CD36: variants seen among roughly 807,000 people sequenced by gnomAD.
CD36 encodes the protein CD36 molecule (CD36 blood group).
Under a neutral mutation model 55.2 loss-of-function variants are expected in CD36, and 119 were observed. The ratio of observed to expected loss-of-function variants is 2.15; its 90% CI spans 1.86 to 2.51. CD36 has a LOEUF of 2.51. CD36 is among the 30% of genes most tolerant of loss of function. CD36 has a pLI of 0.00. For missense variants in CD36, 819 were observed against 555.5 expected (o/e 1.47, Z -4.77); for synonymous variants, 186 against 193.6 (o/e 0.96, Z 0.33).
At chr7:80,631,794 T>C (rs951660244) in intron 1 of CD36, among the ~76,000 whole-genome samples, 6 of 151,142 alleles carry the variant, frequency 4.0e-5, no homozygotes, top group Non-Finnish European at 8.9e-5. Flanking sequence ...GAAAAACATT[T>C]CTGGAAGTTT....
rs11301209 is a variant in CD36 at position 80,623,005 on chromosome 7, C to CT, written c.-184+20641dup. On this transcript the variant is annotated intron_variant, in intron 1 of 13. Transcript: ENST00000309881. ...ACTTTAGACAACAGTCCTTGGTAGA[C>CT]TTTTTTTTTTTTTTTACTCTATTAT... 8.2e-5 allele frequency among the ~76,000 whole-genome samples: 12 copies of CT among 145,534 alleles called. No homozygotes were observed. The East Asian group carries it at 1.6e-3, about 19-fold the overall frequency.
intron 5 of CD36, 79 bp from the exon 6 acceptor site, chr7:80,662,911 C>A: frequency 8.5e-7 from 1 of 1,173,838 alleles, no homozygotes; most frequent in Non-Finnish European, 1.3e-6. Context: ...GTATTAAGCT[C>A]AATATTAGCA....
At chr7:80,632,730 A>G (rs1163684343) in intron 1 of CD36, among the ~76,000 whole-genome samples, 1 of 152,028 alleles carries the variant, frequency 6.6e-6, no homozygotes, top group Non-Finnish European at 1.5e-5. Flanking sequence ...ACACATCATT[A>G]TGGCCAAGCC....
chr7:80,606,451 A>AATAT (rs1792555128), intron 1 of CD36, among the ~76,000 whole-genome samples: 1 of 152,206 alleles, frequency 6.6e-6, no homozygotes, highest in Admixed American at 6.5e-5. Context: ...CAAGACGCTA[A>AATAT]ATATATAAAC....
chr7:80,617,648 A>G (rs1467104381), intron 1 of CD36, among the ~76,000 whole-genome samples: 1 of 151,452 alleles, frequency 6.6e-6, no homozygotes, highest in African/African-American at 2.4e-5. Flanking sequence ...AATTGCTTAA[A>G]CCCATAAGGC....
intron 1 of CD36, among the ~76,000 whole-genome samples, chr7:80,605,248 T>G (rs57579056): frequency 0.02 from 3,087 of 152,266 alleles, 110 homozygotes; most frequent in African/African-American, 0.07. Context: ...CAAAAATATT[T>G]AATGAACACC....
chr7:80,659,987 G>T (rs1796398092), intron 4 of CD36, among the ~76,000 whole-genome samples: 1 of 152,044 alleles, frequency 6.6e-6, no homozygotes, highest in Admixed American at 6.6e-5. Flanking sequence ...CAGGCATGAT[G>T]CTTAGAGATA....
In CD36 at chr7:80,674,125, G is replaced by A. The variant is rs1798025382; in HGVS notation, c.1397G>A (p.Cys466Tyr). ...FVAFMISYCA[C>Y]RSKTIK is the part of the protein sequence containing the mutation. ...GCTTTTATGATTTCATATTGTGCAT[G>A]CAGATCGAAAACAATAAAATAAGTA... is the stretch of plus-strand genomic sequence containing the variant. Residue 466 changes from cysteine (C) to tyrosine (Y), a missense_variant, in exon 14 of 15, where the codon TGC becomes TAC. Coordinates refer to ENST00000447544, the MANE Select transcript of CD36 (RefSeq NM_001001548.3). 6.2e-7 allele frequency: 1 copy of A among 1,611,576 alleles called. No individual in the cohort carries two copies. The highest frequency in any genetic ancestry group is 1.3e-5 in the African/African-American group (1 of 74,800).
chr7:80,657,650 CTCTG>C (rs369290031), intron 4 of CD36, among the ~76,000 whole-genome samples: 12 of 152,170 alleles, frequency 7.9e-5, no homozygotes, highest in African/African-American at 2.4e-4. Context: ...ATTATAGACA[CTCTG>C]TCTTTTTCAC....
chr7:80,630,912 G>A (rs1422830719), intron 1 of CD36, among the ~76,000 whole-genome samples: 1 of 151,966 alleles, frequency 6.6e-6, no homozygotes, highest in Non-Finnish European at 1.5e-5. Flanking sequence ...AGAGTATGCC[G>A]AAACATAGAA....
Position 80,671,036 on chromosome 7 carries a change from T to C in CD36, c.878T>C (p.Phe293Ser), listed in dbSNP as rs779330608. The C allele has an allele frequency of 2.2e-5, 36 of 1,613,172 alleles. No individual in the cohort carries two copies. The highest frequency in any genetic ancestry group is 3.1e-5 in the Non-Finnish European group (36 of 1,179,306). The change falls in exon 10 of 15, where the codon TTT becomes TCT. Residue 293 changes from phenylalanine to serine, a missense_variant. Physicochemically the swap from Phe to Ser is radical, Grantham distance 155 (BLOSUM62 -2). Coordinates refer to ENST00000447544, the MANE Select transcript of CD36 (RefSeq NM_001001548.3). ...CTGAAAGGAATCCCTGTGTATAGAT[T>C]TGTTCTTCCATCCAAGGCCTTTGCC... is the stretch of plus-strand genomic sequence containing the variant. ...VNLKGIPVYR[F>S]VLPSKAFASP... is the part of the protein sequence containing the mutation.
intron 1 of CD36, among the ~76,000 whole-genome samples, chr7:80,614,225 C>T (rs548520809): frequency 3.3e-5 from 5 of 152,206 alleles, no homozygotes; most frequent in African/African-American, 1.2e-4. Flanking sequence ...TTTGTTTCTC[C>T]AGAGCACATC....
At chr7:80,670,814 T>C in intron 9 of CD36, 163 bp from the exon 10 acceptor site, 1 of 622,976 alleles carries the variant, frequency 1.6e-6, no homozygotes, top group South Asian at 1.9e-5. Context: ...GCTATTGAGT[T>C]TTAGTATGTG....
At chr7:80,616,856 A>G (rs1793193436) in intron 1 of CD36, among the ~76,000 whole-genome samples, 1 of 152,134 alleles carries the variant, frequency 6.6e-6, no homozygotes, top group African/African-American at 2.4e-5. Flanking sequence ...AATGCCTAAC[A>G]ACAGTAAGAA....
At chr7:80,664,956 C>A (rs1282543977) in intron 7 of CD36, among the ~76,000 whole-genome samples, 3 of 151,646 alleles carry the variant, frequency 2.0e-5, no homozygotes, top group Admixed American at 1.3e-4. Context: ...GTGGCATGAC[C>A]TAAATGTGTC....
chr7:80,660,067 A>T (rs1019298822), intron 4 of CD36, among the ~76,000 whole-genome samples: 6 of 152,126 alleles, frequency 3.9e-5, no homozygotes, highest in Non-Finnish European at 7.4e-5. Flanking sequence ...ATGGGTTTTT[A>T]AAAAATTCAG....
At position 80,674,141 on chromosome 7, in the gene CD36, AAAAT is replaced by A. The variant is rs759756314; in HGVS notation, c.1416_1419del (p.Ter473ProfsTer12). The A allele has an allele frequency of 3.7e-6, 6 of 1,608,500 alleles. No homozygotes were observed. Among genetic ancestry groups the A allele is most frequent in the East Asian group, 2.2e-5 (1 of 44,640 alleles). On this transcript the variant is annotated frameshift_variant and stop_lost and splice_region_variant, in exon 14 of 15. Transcript: ENST00000447544. LOFTEE classifies it high-confidence loss of function. ...ATTGTGCATGCAGATCGAAAACAATAAAATAAGTAAGTATGTACCAAAAAATATT... is the reference window on the plus strand; with the variant it reads ...ATTGTGCATGCAGATCGAAAACAATAAAGTAAGTATGTACCAAAAAATATT...
intron 1 of CD36, among the ~76,000 whole-genome samples, chr7:80,645,714 T>A (rs1455147349): frequency 6.6e-6 from 1 of 152,148 alleles, no homozygotes; most frequent in Non-Finnish European, 1.5e-5. Context: ...TACCTAATTT[T>A]AACAGAATTA....
At chr7:80,653,566 T>G (rs1245479487) in intron 3 of CD36, among the ~76,000 whole-genome samples, 1 of 152,134 alleles carries the variant, frequency 6.6e-6, no homozygotes, top group Non-Finnish European at 1.5e-5. Context: ...ATGCTTAGAG[T>G]CAGGGACAAA....
Sources: allele counts gnomAD v4.1 joint callset (sites outside exome capture counted in the v4.1 genomes callset), GRCh38; gene constraint gnomAD v4.1.1; transcripts MANE v1.5; gene names NCBI Gene and HGNC (gene_info 2026-07-23, HGNC 2026-07-21).